PPIG: variants seen among roughly 807,000 people sequenced by gnomAD.
PPIG encodes peptidyl-prolyl cis-trans isomerase G.
PPIG carries 26 observed loss-of-function variants against 87.9 expected under a neutral mutation model. The ratio of observed to expected loss-of-function variants is 0.30; its 90% CI spans 0.22 to 0.41. The LOEUF (loss-of-function observed/expected upper bound fraction) is 0.41. PPIG is among the 10% of genes least tolerant of loss of function. The pLI is 1.00. For missense variants in PPIG, 722 were observed against 879.4 expected (o/e 0.82, Z 2.26); for synonymous variants, 308 against 276.5 (o/e 1.11, Z -1.13).
intron 9 of PPIG, among the ~76,000 whole-genome samples, chr2:169,620,957 C>T (rs893134573): frequency 6.6e-5 from 10 of 152,030 alleles, no homozygotes; most frequent in Admixed American, 2.6e-4. Flanking sequence ...TGAGAGTCAT[C>T]TGTAATGCTT....
chr2:169,607,038 A>T, intron 5 of PPIG, 66 bp from the exon 6 acceptor site: 1 of 959,732 alleles, frequency 1.0e-6, no homozygotes, highest in Non-Finnish European at 1.6e-6. Context: ...TACAAGAAGT[A>T]TTTTGTTTAG....
intron 9 of PPIG, among the ~76,000 whole-genome samples, chr2:169,619,575 T>G (rs12464734): frequency 0.6 from 90,579 of 151,896 alleles, 27,643 homozygotes; most frequent in African/African-American, 0.73. Flanking sequence ...CATATATATT[T>G]AGGATAGTTA....
rs1254552743 is a variant in PPIG, at chr2:169,638,488, C to G, written c.*965C>G. ...ACCTATATAGAATTGAGTGTTAACT[C>G]TGCATGGATTTTGTTTGTTTTAATT... On this transcript the variant is annotated 3_prime_UTR_variant, in exon 14 of 14. Transcript: ENST00000260970. 6.6e-6 allele frequency: 1 copy of G among 151,906 alleles called. No homozygotes were observed. The highest frequency in any genetic ancestry group is 1.5e-5 in the Non-Finnish European group (1 of 67,902). The allele number at this position is 151,906 out of a possible 1,614,324, so 9.4% of individuals were successfully genotyped here. A position where few individuals can be genotyped will look rare whatever the true frequency, so the allele number is the denominator to read the frequency against.
chr2:169,628,857 T>G (rs1292421172), intron 9 of PPIG, among the ~76,000 whole-genome samples: 2 of 145,022 alleles, frequency 1.4e-5, no homozygotes, highest in Non-Finnish European at 3.0e-5. Context: ...GAGACAGAAG[T>G]ATCACTTGAG....
At chr2:169,619,899 T>G (rs1161689369) in intron 9 of PPIG, among the ~76,000 whole-genome samples, 1 of 152,188 alleles carries the variant, frequency 6.6e-6, no homozygotes, top group Non-Finnish European at 1.5e-5. Flanking sequence ...AAATATCTCT[T>G]CAGATTCTTT....
chr2:169,637,026 T>C lies in PPIG; in HGVS notation c.1768T>C (p.Tyr590His), dbSNP rs979842973. Residue 590 changes from tyrosine (Y) to histidine (H), a missense_variant, in exon 14 of 14, where the codon TAC (tyrosine) becomes CAC (histidine). Around this residue, in one of 4 missense-constraint regions of PPIG, gnomAD observed 476 missense variants for 483.1 expected, o/e 0.99. Transcript: ENST00000260970. The part of the protein sequence containing the change: ...HDRDRSRSKE[Y>H]HRYREQEYRR... ...CAGAGATCGCAGCAGAAGCAAGGAG[T>C]ACCATAGATACAGAGAACAGGAATA... The C allele has an allele frequency of 1.9e-6, 3 of 1,610,312 alleles. No individual in the cohort carries two copies. The African/African-American group carries it at 4.1e-5, about 22-fold the overall frequency.
At chr2:169,585,270 C>G (rs371869593) in intron 1 of PPIG, among the ~76,000 whole-genome samples, 6 of 118,766 alleles carry the variant, frequency 5.1e-5, no homozygotes, top group Admixed American at 1.9e-4. Context: ...CTTGGTTAGT[C>G]TTTTTTTTTG....
intron 9 of PPIG, among the ~76,000 whole-genome samples, chr2:169,616,594 A>G (rs1217676273): frequency 1.3e-5 from 2 of 152,312 alleles, no homozygotes; most frequent in East Asian, 3.9e-4. Context: ...TCTAATGACC[A>G]GTGATGATGA....
chr2:169,625,407 C>G (rs998686154), intron 9 of PPIG, among the ~76,000 whole-genome samples: 1 of 152,142 alleles, frequency 6.6e-6, no homozygotes, highest in Non-Finnish European at 1.5e-5. Context: ...AGAGGTCATG[C>G]ATTTGTAATT....
chr2:169,585,943 TGG>T, intron 1 of PPIG, among the ~76,000 whole-genome samples: 1 of 151,988 alleles, frequency 6.6e-6, no homozygotes, highest in South Asian at 2.1e-4. Flanking sequence ...CAATGACGGG[TGG>T]GGGGGTGAAC....
At chr2:169,608,629 G>A in intron 6 of PPIG, 42 bp from the exon 7 acceptor site, 2 of 1,378,692 alleles carry the variant, frequency 1.5e-6, no homozygotes, top group African/African-American at 2.9e-5. Flanking sequence ...TTTTTTTGGA[G>A]GTTATATCTA....
intron 12 of PPIG, among the ~76,000 whole-genome samples, chr2:169,635,141 C>CT (rs1444000129): frequency 2.0e-5 from 3 of 152,160 alleles, no homozygotes; most frequent in Non-Finnish European, 4.4e-5. Flanking sequence ...CTAGATCCCA[C>CT]TTTGAGATTC....
chr2:169,604,916 G>C (rs928565159), intron 4 of PPIG, among the ~76,000 whole-genome samples: 1 of 151,274 alleles, frequency 6.6e-6, no homozygotes, highest in African/African-American at 2.4e-5. Context: ...GGCACGGTGT[G>C]GCTGGGCATG....
At chr2:169,595,036 C>G (rs976881477) in intron 1 of PPIG, among the ~76,000 whole-genome samples, 3 of 152,154 alleles carry the variant, frequency 2.0e-5, no homozygotes, top group Non-Finnish European at 2.9e-5. Flanking sequence ...TCAAGCGATT[C>G]TCCTGCCTCA....
chr2:169,633,010 T>C (rs1686097364), intron 11 of PPIG, 150 bp from the exon 12 acceptor site: 1 of 636,142 alleles, frequency 1.6e-6, no homozygotes, highest in Non-Finnish European at 2.8e-6. Flanking sequence ...TCTCCTGACC[T>C]CATGATCCGC....
rs1558893212 is a variant in PPIG at position 169,611,917 on chromosome 2, T to C, written c.378-2547T>C. Among the ~76,000 whole-genome samples, 4 of 152,330 alleles carry C rather than the reference T, an allele frequency of 2.6e-5. No homozygotes were observed. In the South Asian group the frequency reaches 6.2e-4, roughly 24 times the overall value. ...AAAAATTTTTTTGTACTATAACATA[T>C]AGAAGATTTGCCATTTTAACCATTT... On this transcript the variant is annotated intron_variant, in intron 7 of 13. Coordinates refer to ENST00000260970, the MANE Select transcript of PPIG (RefSeq NM_004792.3).
At chr2:169,618,153 G>A (rs1271642368) in intron 9 of PPIG, among the ~76,000 whole-genome samples, 2 of 152,080 alleles carry the variant, frequency 1.3e-5, no homozygotes, top group Non-Finnish European at 2.9e-5. Flanking sequence ...GATAGATTAC[G>A]TTTATTGATT....
At position 169,638,052 on chromosome 2, in the gene PPIG, A is replaced by G. The variant is rs887851489; in HGVS notation, c.*529A>G. ...TTGATTTTATAGTAATTTGTGCTTT[A>G]AAATAGATGTATTTATATTGCACTT... On this transcript the variant is annotated 3_prime_UTR_variant, in exon 14 of 14. Transcript: ENST00000260970. 2 of 152,250 alleles carry G rather than the reference A, an allele frequency of 1.3e-5. No homozygotes were observed. The highest frequency in any genetic ancestry group is 4.8e-5 in the African/African-American group (2 of 41,448). 9.4% of individuals were successfully genotyped at this position (152,250 alleles called of 1,614,324 possible). A position where few individuals can be genotyped will look rare whatever the true frequency, so the allele number is the denominator to read the frequency against.
At chr2:169,627,304 C>G (rs1685914978) in intron 9 of PPIG, among the ~76,000 whole-genome samples, 1 of 152,144 alleles carries the variant, frequency 6.6e-6, no homozygotes, top group Non-Finnish European at 1.5e-5. Flanking sequence ...GCCATGTTGG[C>G]CAGGCTGGTC....
Sources: allele counts gnomAD v4.1 joint callset (sites outside exome capture counted in the v4.1 genomes callset), GRCh38; gene constraint gnomAD v4.1.1; regional missense constraint gnomAD v4.1.1; transcripts MANE v1.5; gene names NCBI Gene and HGNC (gene_info 2026-07-23, HGNC 2026-07-21).